The following OGG1 variants were observed in gnomAD, a reference collection of about 807,000 sequenced individuals.
The protein encoded by OGG1 is N-glycosylase/DNA lyase.
In OGG1, 35 loss-of-function variants were observed where a neutral mutation model predicts 42.3. That is an observed-to-expected ratio of 0.83 (90% CI 0.63 to 1.10). The LOEUF (loss-of-function observed/expected upper bound fraction) is 1.10. OGG1 is among the 50% of genes least tolerant of loss of function. OGG1 has a pLI of 0.00. For missense variants in OGG1, 484 were observed against 446.7 expected, an observed-to-expected ratio of 1.08 and a Z score of -0.75; for synonymous variants, 189 against 179.0, an observed-to-expected ratio of 1.06 and a Z score of -0.44.
chr3:9,763,164 C>T, intron 7 of OGG1: 1 of 1,614,012 alleles, frequency 6.2e-7, no homozygotes. Context: ...TAGAGGTGGC[C>T]CCCACTCTCA....
rs113561019 is a variant in OGG1, at chr3:9,756,791, G to A, written c.923G>A (p.Gly308Glu). 7,868 of 1,614,070 alleles carry A rather than the reference G, an allele frequency of 4.9e-3. 26 individuals are homozygous for A. The highest frequency in any genetic ancestry group is 6.0e-3 in the Non-Finnish European group (7,042 of 1,180,008). The part of the protein sequence containing the change: ...ELGNFFRSLW[G>E]PYAGWAQAVL... ...GGAAACTTTTTCCGGAGCCTGTGGG[G>A]ACCTTATGCTGGCTGGGCCCAAGCG... The change falls in exon 6 of 7, where the codon GGA becomes GAA. Residue 308 changes from glycine to glutamate, a missense_variant. Gly to Glu is a moderately conservative substitution (Grantham distance 98). Coordinates refer to ENST00000344629, the MANE Select transcript of OGG1 (RefSeq NM_002542.6).
chr3:9,782,190 C>G (rs2078492434), intron 3 of OGG1, among the ~76,000 whole-genome samples: 1 of 152,172 alleles, frequency 6.6e-6, no homozygotes, highest in African/African-American at 2.4e-5. Flanking sequence ...CTCTTCCTCT[C>G]TCTCCCTCTG....
intron 3 of OGG1, among the ~76,000 whole-genome samples, chr3:9,786,774 T>C (rs532619867): frequency 2.0e-5 from 3 of 152,212 alleles, no homozygotes; most frequent in Non-Finnish European, 2.9e-5. Flanking sequence ...AGGCTGGTAA[T>C]ACAAGCTCAT....
downstream of OGG1, chr3:9,760,594 C>A (rs2077810310): frequency 1.3e-6 from 2 of 1,572,028 alleles, no homozygotes; most frequent in Non-Finnish European, 1.7e-6. Context: ...AGACCGCCCC[C>A]AAAGCAGGTG....
intron 3 of OGG1, among the ~76,000 whole-genome samples, chr3:9,784,892 GA>G (rs1386902057): frequency 2.7e-5 from 4 of 150,398 alleles, no homozygotes; most frequent in Non-Finnish European, 5.9e-5. Context: ...AAGAAAAAAA[GA>G]AATATATTTT....
At chr3:9,763,115 C>T (rs2077967725) in intron 7 of OGG1, 1 of 1,613,944 alleles carries the variant, frequency 6.2e-7, no homozygotes, top group South Asian at 1.1e-5. Flanking sequence ...GGTGTGGGGG[C>T]AGGGCAGAGG....
At chr3:9,757,534 G>C (rs780482930), downstream of OGG1, 12 of 1,611,504 alleles carry the variant, frequency 7.4e-6, no homozygotes, top group Admixed American at 2.0e-4. This position sits in a 1 kb window ranked among gnomAD's most constrained non-coding sequence, Gnocchi z 4.5. Context: ...CCGAGGTCCA[G>C]GGCCCTAGAG....
chr3:9,754,028 A>G (rs1337106352), intron 3 of OGG1, among the ~76,000 whole-genome samples: 1 of 152,084 alleles, frequency 6.6e-6, no homozygotes, highest in African/African-American at 2.4e-5. Context: ...AGTCTCAGCT[A>G]CTCAGGAGGC....
Position 9,750,240 on chromosome 3 carries a change from T to C in OGG1, c.-47T>C. 2 of 1,583,400 alleles carry C rather than the reference T, an allele frequency of 1.3e-6. No individual in the cohort carries two copies. The highest frequency in any genetic ancestry group is 1.7e-6 in the Non-Finnish European group (2 of 1,164,988). Reference sequence around the variant, plus strand: ...GGGGTCTTTGGGCGTCGACGAGGCCTGGTTCTGGGTAGGCGGGGCTACTAC... The same window carrying C: ...GGGGTCTTTGGGCGTCGACGAGGCCCGGTTCTGGGTAGGCGGGGCTACTAC... On this transcript the variant is annotated 5_prime_UTR_variant, in exon 1 of 7. Coordinates refer to ENST00000344629, the MANE Select transcript of OGG1 (RefSeq NM_002542.6).
intron 2 of OGG1, among the ~76,000 whole-genome samples, chr3:9,779,310 G>C (rs1407519085): frequency 6.6e-6 from 1 of 152,184 alleles, no homozygotes; most frequent in African/African-American, 2.4e-5. Flanking sequence ...GAAACATGAT[G>C]GTATCTGGGA....
intron 2 of OGG1, chr3:9,780,213 C>T (rs2078427039): frequency 1.2e-6 from 1 of 818,036 alleles, no homozygotes; most frequent in Non-Finnish European, 1.9e-6. Context: ...GGCCAAAAGA[C>T]CTCAGGGGAA....
At chr3:9,764,621 TTTTTTTG>T (rs1405509918) in intron 7 of OGG1, among the ~76,000 whole-genome samples, 19 of 123,020 alleles carry the variant, frequency 1.5e-4, no homozygotes, top group African/African-American at 2.5e-4. Context: ...GTTTTTGTTT[TTTTTTTG>T]TTTTTTTTTT....
chr3:9,789,955 G>A (rs202009584), downstream of OGG1: 1,210 of 1,593,524 alleles, frequency 7.6e-4, 12 homozygotes, highest in South Asian at 0.01. Context: ...CCTGCCAGTC[G>A]GTGAGGATCT....
intron 3 of OGG1, among the ~76,000 whole-genome samples, chr3:9,752,972 C>A (rs1391910906): frequency 6.6e-6 from 1 of 151,976 alleles, no homozygotes; most frequent in Admixed American, 6.5e-5. Context: ...TGCTTGAACC[C>A]GGGAGCAGGA....
chr3:9,755,813 A>AT (rs946934472), intron 4 of OGG1, among the ~76,000 whole-genome samples: 10 of 151,150 alleles, frequency 6.6e-5, no homozygotes, highest in Admixed American at 3.3e-4. Flanking sequence ...TTGCTTAAAG[A>AT]TTTTTTTTTG....
intron 7 of OGG1, chr3:9,763,004 G>T: frequency 6.2e-7 from 1 of 1,614,176 alleles, no homozygotes; most frequent in Non-Finnish European, 8.5e-7. Flanking sequence ...CCCGCTCCGT[G>T]TAGAAGCCTT....
At chr3:9,755,695 C>G (rs1014501695) in intron 4 of OGG1, among the ~76,000 whole-genome samples, 1 of 150,896 alleles carries the variant, frequency 6.6e-6, no homozygotes, top group African/African-American at 2.4e-5. Flanking sequence ...AATCTGACCT[C>G]GAGATCCACC....
At chr3:9,750,484 C>A in intron 1 of OGG1, 61 bp downstream of exon 1, 1 of 1,605,828 alleles carries the variant, frequency 6.2e-7, no homozygotes. Flanking sequence ...CTCAACACTG[C>A]CTGGCATGGG....
At position 9,756,608 on chromosome 3, in the gene OGG1, C is replaced by T; in HGVS notation, c.885C>T (p.Thr295=). 1 of 1,613,662 alleles carries T rather than the reference C, an allele frequency of 6.2e-7. No homozygotes were observed. The highest frequency in any genetic ancestry group is 8.5e-7 in the Non-Finnish European group (1 of 1,179,548). Residue 295 remains threonine (T), a synonymous_variant, in exon 5 of 7, where the codon ACC becomes ACT. Coordinates refer to ENST00000344629, the MANE Select transcript of OGG1 (RefSeq NM_002542.6). ...AGGCGAAGGGACCGAGCCCCCAGACCAACAAGGAACTGGGTGAGGAAAGTG... is the reference window on the plus strand; with the variant it reads ...AGGCGAAGGGACCGAGCCCCCAGACTAACAAGGAACTGGGTGAGGAAAGTG... ...TSQAKGPSPQ[T]NKELGNFFRS...
Sources: allele counts gnomAD v4.1 joint callset (sites outside exome capture counted in the v4.1 genomes callset), GRCh38; gene constraint gnomAD v4.1.1; non-coding constraint Gnocchi (gnomAD v3.1); transcripts MANE v1.5; gene names NCBI Gene and HGNC (gene_info 2026-07-23, HGNC 2026-07-21).